The following CLDN16 variants were observed in gnomAD, a reference collection of about 807,000 sequenced individuals.
CLDN16 encodes the protein claudin 16, also known as claudin-16.
Under a neutral mutation model 24.6 loss-of-function variants are expected in CLDN16, and 13 were observed. That is an observed-to-expected ratio of 0.53 (90% CI 0.34 to 0.84). The LOEUF (loss-of-function observed/expected upper bound fraction) is 0.84. Among genes scored for constraint, CLDN16 ranks in the 40% least tolerant of loss-of-function variants. CLDN16 has a pLI of 0.01. For synonymous variants in CLDN16, 116 were observed against 106.7 expected (o/e 1.09, Z -0.54); for missense variants, 298 against 292.7 (o/e 1.02, Z -0.13).
At chr3:190,390,964 T>G (rs79517608) in intron 1 of CLDN16, among the ~76,000 whole-genome samples, 13,982 of 152,014 alleles carry the variant, frequency 0.092, 879 homozygotes, top group Non-Finnish European at 0.14. Context: ...TTTAAAAATT[T>G]TTTGTAAGAA....
At chr3:190,315,354 G>T in the CLDN16 span, among the ~76,000 whole-genome samples, 2 of 152,168 alleles carry the variant, frequency 1.3e-5, no homozygotes, top group African/African-American at 4.8e-5. Flanking sequence ...CAAATTGGGA[G>T]AGCTGGTCAT....
At chr3:190,388,929 G>T (rs1000135801) in intron 1 of CLDN16, among the ~76,000 whole-genome samples, 1 of 152,094 alleles carries the variant, frequency 6.6e-6, no homozygotes, top group African/African-American at 2.4e-5. Flanking sequence ...CAATTAACAT[G>T]CAAGAGGAAA....
rs963770050 is a variant in CLDN16 at position 190,337,802 on chromosome 3, G to T, written n.121+15141G>T. 3.3e-5 allele frequency among the ~76,000 whole-genome samples: 5 copies of T among 152,152 alleles called. No individual in the cohort carries two copies. The East Asian group carries it at 9.6e-4, about 29-fold the overall frequency. On this transcript the variant is annotated intron_variant and non_coding_transcript_variant, in intron 1 of 4. Coordinates refer to the CLDN16 transcript ENST00000468220. ...GAAAGGCTCACAGAGAGAGATATTG[G>T]ATAGCATCTCATACAATATCACTTC...
Position 190,412,068 on chromosome 3 carries a change from A to C in CLDN16, c.*2032A>C, listed in dbSNP as rs978466461. 4.6e-5 allele frequency: 7 copies of C among 152,288 alleles called. No homozygotes were observed. Among genetic ancestry groups the C allele is most frequent in the African/African-American group, 1.4e-4 (6 of 41,586 alleles). 9.4% of individuals were successfully genotyped at this position (152,288 alleles called of 1,614,324 possible). On this transcript the variant is annotated 3_prime_UTR_variant, in exon 5 of 5. Coordinates refer to ENST00000264734, the MANE Select transcript of CLDN16 (RefSeq NM_006580.4). ...TCATTTGTATAAGAAAATATTTCAG[A>C]GAACCATGATGATAATGGATATGTG...
the CLDN16 span, chr3:190,305,602 T>A: frequency 6.6e-6 from 1 of 152,302 alleles, no homozygotes; most frequent in Non-Finnish European, 1.5e-5. Flanking sequence ...AGAGGCATCA[T>A]AGTTCTTTCC....
chr3:190,390,386 T>C (rs981850024), intron 1 of CLDN16, among the ~76,000 whole-genome samples: 9 of 152,040 alleles, frequency 5.9e-5, no homozygotes, highest in African/African-American at 1.9e-4. Context: ...ATACAAAAAT[T>C]AGCTGGGTGT....
chr3:190,402,258 C>A (rs1718980900), intron 1 of CLDN16, 79 bp from the exon 2 acceptor site: 1 of 1,098,536 alleles, frequency 9.1e-7, no homozygotes, highest in Non-Finnish European at 1.4e-6. Context: ...AACACAACCA[C>A]CAACTTCTCT....
intron 3 of CLDN16, among the ~76,000 whole-genome samples, chr3:190,375,352 C>T (rs529875774): frequency 1.3e-5 from 2 of 152,004 alleles, no homozygotes; most frequent in Non-Finnish European, 2.9e-5. Flanking sequence ...CTTTGGAATG[C>T]CAAGGCTGCA....
At chr3:190,322,428 C>T, upstream of CLDN16, 1 of 588,574 alleles carries the variant, frequency 1.7e-6, no homozygotes, top group Non-Finnish European at 3.0e-6. Flanking sequence ...CGGTTGCTCC[C>T]AGGCTCGGGA....
At chr3:190,378,515 C>T (rs375707183) in intron 3 of CLDN16, among the ~76,000 whole-genome samples, 3 of 152,114 alleles carry the variant, frequency 2.0e-5, no homozygotes, top group South Asian at 2.1e-4. Flanking sequence ...CTTGCTTCAT[C>T]GTTTCAGCAG....
At chr3:190,350,714 G>C (rs992796851) in intron 1 of CLDN16, among the ~76,000 whole-genome samples, 2 of 152,058 alleles carry the variant, frequency 1.3e-5, no homozygotes, top group Admixed American at 6.6e-5. Flanking sequence ...ACTGTGTTTG[G>C]GTTCAGGCCA....
At chr3:190,320,729 C>A (rs1299581432), upstream of CLDN16, among the ~76,000 whole-genome samples, 1 of 152,154 alleles carries the variant, frequency 6.6e-6, no homozygotes, top group African/African-American at 2.4e-5. Flanking sequence ...TAAACTTGAA[C>A]AATGCCAACA....
chr3:190,408,210 A>G lies in CLDN16; in HGVS notation c.383-104A>G, dbSNP rs1577432722. 2.7e-6 allele frequency: 3 copies of G among 1,114,138 alleles called. No homozygotes were observed. In the East Asian group the frequency reaches 7.0e-5, roughly 26 times the overall value. 69.0% of individuals were successfully genotyped at this position (1,114,138 alleles called of 1,614,324 possible). A position where few individuals can be genotyped will look rare whatever the true frequency, so the allele number is the denominator to read the frequency against. On this transcript the variant is annotated intron_variant, in intron 3 of 4. Coordinates refer to ENST00000264734, the MANE Select transcript of CLDN16 (RefSeq NM_006580.4). Reference sequence around the variant, plus strand: ...CCCATGAATCCATGTTACTGTTTTTACCTCTCTGAATCACGCCAGCCATTT... The same window carrying G: ...CCCATGAATCCATGTTACTGTTTTTGCCTCTCTGAATCACGCCAGCCATTT...
upstream of CLDN16, among the ~76,000 whole-genome samples, chr3:190,385,321 G>T (rs9871878): frequency 1.3e-5 from 2 of 152,150 alleles, no homozygotes; most frequent in East Asian, 3.9e-4. Context: ...TTTCTTAGAA[G>T]TGCACTCACA....
intron 3 of CLDN16, among the ~76,000 whole-genome samples, chr3:190,380,131 C>CCTTCCTTCCTTCCTTCCTCT (rs59109902): frequency 0.013 from 673 of 51,990 alleles, 105 homozygotes; most frequent in African/African-American, 0.049. Context: ...TTCCTTTCTT[C>CCTTCCTTCCTTCCTTCCTCT]CTTCCTTCCT....
chr3:190,400,345 G>T (rs1399590982), intron 1 of CLDN16, among the ~76,000 whole-genome samples: 1 of 151,944 alleles, frequency 6.6e-6, no homozygotes, highest in Non-Finnish European at 1.5e-5. Flanking sequence ...TTCAAGCGAT[G>T]CTCCTGCCTC....
At chr3:190,308,202 T>C in the CLDN16 span, 1 of 1,544,918 alleles carries the variant, frequency 6.5e-7, no homozygotes, top group Non-Finnish European at 8.9e-7. Flanking sequence ...AATTCTAAGG[T>C]CCTAATGTTA....
chr3:190,291,399 T>G, the CLDN16 span, among the ~76,000 whole-genome samples: 19 of 152,062 alleles, frequency 1.2e-4, no homozygotes, highest in Non-Finnish European at 2.4e-4. Flanking sequence ...AGTCACATCT[T>G]ATATGGCCAC....
intron 1 of CLDN16, among the ~76,000 whole-genome samples, chr3:190,344,451 C>CATATAAGTAT (rs1717507726): frequency 6.6e-6 from 1 of 151,584 alleles, no homozygotes; most frequent in Non-Finnish European, 1.5e-5. Flanking sequence ...TCTTAATTTT[C>CATATAAGTAT]ATATAAGTAT....
Sources: gnomAD v4.1 joint callset for allele counts (sites outside exome capture counted in the v4.1 genomes callset) on GRCh38, gnomAD v4.1.1 for gene constraint, MANE v1.5 for transcripts, NCBI Gene and HGNC (gene_info 2026-07-23, HGNC 2026-07-21) for gene names.